ACP4: variants seen among roughly 807,000 people sequenced by gnomAD.
ACP4 encodes the protein acid phosphatase 4, also known as testicular acid phosphatase.
ACP4 carries 49 observed loss-of-function variants against 47.3 expected under a neutral mutation model. That is an observed-to-expected ratio of 1.04 (90% CI 0.82 to 1.32). The LOEUF (loss-of-function observed/expected upper bound fraction) is 1.32, where lower values mean the gene tolerates loss of function less well. Ranked by LOEUF, ACP4 falls within the 40% of genes most tolerant of loss-of-function variation. The pLI, the probability that ACP4 is intolerant of heterozygous loss-of-function variation, is 0.00. For missense variants in ACP4, 594 were observed against 579.3 expected (o/e 1.03, Z -0.26); for synonymous variants, 299 against 265.3 (o/e 1.13, Z -1.23).
At chr19:50,794,731 G>A in intron 9 of ACP4, 55 bp from the exon 10 acceptor site, 5 of 1,572,336 alleles carry the variant, frequency 3.2e-6, no homozygotes, top group Admixed American at 1.8e-5. Context: ...CTTTTCTCCA[G>A]GCTTTAAGAT....
At position 50,794,487 on chromosome 19, in the gene ACP4, G is replaced by A. The variant is rs927075560; in HGVS notation, c.892G>A (p.Ala298Thr). The change falls in exon 9 of 11, where the codon GCC becomes ACC. Residue 298 changes from alanine to threonine, a missense_variant. Coordinates refer to ENST00000270593, the MANE Select transcript of ACP4 (RefSeq NM_033068.3). ...HDSTLLALQG[A>T]LGLYDGHTPP... is the part of the protein sequence containing the mutation. ...CAGCACCCTGCTGGCCCTCCAGGGG[G>A]CCCTGGGCCTCTATGATGGACACAC... is the stretch of plus-strand genomic sequence containing the variant. 6.2e-7 allele frequency: 1 copy of A among 1,613,752 alleles called. No individual in the cohort carries two copies. The highest frequency in any genetic ancestry group is 8.5e-7 in the Non-Finnish European group (1 of 1,180,000).
rs760589720 is a variant in ACP4 at position 50,792,167 on chromosome 19, G to A, written c.545G>A (p.Trp182Ter). The A allele has an allele frequency of 5.0e-6, 8 of 1,610,234 alleles. No individual in the cohort carries two copies. The highest frequency in any genetic ancestry group is 3.3e-5 in the Admixed American group (2 of 59,916). The change falls in exon 5 of 11, where the codon TGG (tryptophan) becomes TAG (stop). Residue 182 changes from tryptophan (W) to a stop codon, truncating the protein, a stop_gained. Transcript: ENST00000270593. LOFTEE classifies it high-confidence loss of function. ...AAEYQEALEGWTGFLSRLENF... is the reference protein window; with the variant it reads ...AAEYQEALEG ...GAGTACCAGGAGGCCCTGGAGGGCT[G>A]GACGGTGAGCAGGGCGGCGGTGGGG...
intron 6 of ACP4, 107 bp downstream of exon 6, chr19:50,792,444 C>T: frequency 2.6e-6 from 3 of 1,167,634 alleles, no homozygotes; most frequent in Non-Finnish European, 3.6e-6. Context: ...TCCTCTGTGC[C>T]TCAGTTTTCC....
At chr19:50,792,757 C>T (rs546616605) in intron 6 of ACP4, 341 of 155,398 alleles carry the variant, frequency 2.2e-3, no homozygotes, top group Non-Finnish European at 4.0e-3. Flanking sequence ...TCATAGCTCA[C>T]TGCAGCCTCC....
chr19:50,794,244 G>T (rs941121108), intron 8 of ACP4, among the ~76,000 whole-genome samples: 3 of 152,160 alleles, frequency 2.0e-5, no homozygotes, highest in Non-Finnish European at 4.4e-5. Context: ...GAGGAGAAAG[G>T]CTGCTTAGTC....
chr19:50,794,663 C>T, intron 9 of ACP4, 82 bp downstream of exon 9: 1 of 1,605,116 alleles, frequency 6.2e-7, no homozygotes, highest in East Asian at 2.2e-5. Context: ...GAGGGCATGG[C>T]CAGGTGGGGA....
In ACP4 at chr19:50,792,177, CAGGGCGGCGG is replaced by C; in HGVS notation, c.549+7_549+16del. On this transcript the variant is annotated splice_region_variant and intron_variant, in intron 5 of 10. Coordinates refer to ENST00000270593, the MANE Select transcript of ACP4 (RefSeq NM_033068.3). The stretch of plus-strand genomic sequence containing the variant: ...AGGCCCTGGAGGGCTGGACGGTGAG[CAGGGCGGCGG>C]TGGGGGGCGGGATGCAGGGGATGGG... The C allele has an allele frequency of 6.2e-7, 1 of 1,610,340 alleles. No homozygotes were observed. The highest frequency in any genetic ancestry group is 1.1e-5 in the South Asian group (1 of 90,936).
At chr19:50,790,547 C>T (rs1367475414) in intron 1 of ACP4, 22 bp downstream of exon 1, 1 of 1,540,326 alleles carries the variant, frequency 6.5e-7, no homozygotes, top group South Asian at 1.2e-5. Context: ...CCACCCCGGC[C>T]TGCCCTTAGC....
At chr19:50,791,591 C>A in intron 3 of ACP4, 65 bp from the exon 4 acceptor site, 1 of 1,564,392 alleles carries the variant, frequency 6.4e-7, no homozygotes. Flanking sequence ...TTCTGATTTG[C>A]CACGACAGCT....
rs1490764431 is a variant in ACP4 at position 50,793,814 on chromosome 19, G to C, written c.776G>C (p.Gly259Ala). The change falls in exon 7 of 11, where the codon GGG becomes GCG. Residue 259 changes from glycine to alanine, a missense_variant and splice_region_variant. Coordinates refer to ENST00000270593, the MANE Select transcript of ACP4 (RefSeq NM_033068.3). ...PRAAEKAQLT[G>A]GILLNAILAN... is the part of the protein sequence containing the mutation. ...GCAGCAGAGAAGGCCCAGCTGACAG[G>C]GGGTGAGGTGTGGGTCTGGGAGGCT... is the stretch of plus-strand genomic sequence containing the variant. 9 of 1,613,880 alleles carry C rather than the reference G, an allele frequency of 5.6e-6. No homozygotes were observed. Among genetic ancestry groups the C allele is most frequent in the Non-Finnish European group, 7.6e-6 (9 of 1,180,044 alleles).
Position 50,794,831 on chromosome 19 carries a change from G to A in ACP4, c.1032G>A (p.Leu344=). The A allele has an allele frequency of 6.2e-7, 1 of 1,612,678 alleles. No individual in the cohort carries two copies. ...TCTACCGCAATGACTCCGCCCACCT[G>A]CCCCTGCCTCTCAGCCTCCCCGGGT... ...SLFYRNDSAH[L]PLPLSLPGCP... The change falls in exon 10 of 11, where the codon CTG becomes CTA. Residue 344 remains leucine, a synonymous_variant. Transcript: ENST00000270593.
intron 8 of ACP4, 50 bp from the exon 9 acceptor site, chr19:50,794,407 G>A: frequency 6.2e-7 from 1 of 1,607,636 alleles, no homozygotes; most frequent in South Asian, 1.1e-5. Context: ...GTGCTCAGGA[G>A]AAAGGCCTCC....
At chr19:50,790,743 G>GC in intron 2 of ACP4, 31 bp from the exon 3 acceptor site, 2 of 1,332,608 alleles carry the variant, frequency 1.5e-6, no homozygotes, top group Non-Finnish European at 2.1e-6. Flanking sequence ...GAGGGGTGGG[G>GC]AGTGGTAGGC....
chr19:50,794,326 G>A (rs2089536325), intron 8 of ACP4, 131 bp from the exon 9 acceptor site: 4 of 1,330,844 alleles, frequency 3.0e-6, no homozygotes, highest in African/African-American at 2.9e-5. Context: ...CTGCCTTCAG[G>A]ATGGGAGGAA....
At chr19:50,790,900 CACCT>C in intron 3 of ACP4, 40 bp downstream of exon 3, 1 of 1,514,926 alleles carries the variant, frequency 6.6e-7, no homozygotes, top group Non-Finnish European at 8.9e-7. Flanking sequence ...CCTGACCTCC[CACCT>C]GTGACCTCCA....
Position 50,791,635 on chromosome 19 carries a change from C to T in ACP4, c.304-21C>T, listed in dbSNP as rs760388445. 1.4e-5 allele frequency: 23 copies of T among 1,598,164 alleles called. No homozygotes were observed. The Admixed American group carries it at 1.7e-4, about 12-fold the overall frequency. On this transcript the variant is annotated intron_variant, in intron 3 of 10. Coordinates refer to ENST00000270593, the MANE Select transcript of ACP4 (RefSeq NM_033068.3). ...TCCCCAACCACGACCCCCCGCGTGCCCTCTCTCCACCCCGCTCCAGGTGTA... is the reference window on the plus strand; with the variant it reads ...TCCCCAACCACGACCCCCCGCGTGCTCTCTCTCCACCCCGCTCCAGGTGTA...
chr19:50,791,934 C>G lies in ACP4; in HGVS notation c.450+132C>G, dbSNP rs1301014381. On this transcript the variant is annotated intron_variant, in intron 4 of 10. Transcript: ENST00000270593. ...GCTGGTCTGTCCAGACCAGGGTGAG[C>G]CCCGGCCCACGCTGCTCTCCTGGAT... 15 of 1,448,338 alleles carry G rather than the reference C, an allele frequency of 1.0e-5. No homozygotes were observed. In the East Asian group the frequency reaches 3.8e-4, roughly 36 times the overall value. 89.7% of individuals were successfully genotyped at this position (1,448,338 alleles called of 1,614,324 possible). A position where few individuals can be genotyped will look rare whatever the true frequency, so the allele number is the denominator to read the frequency against.
Position 50,791,630 on chromosome 19 carries a change from C to T in ACP4, c.304-26C>T, listed in dbSNP as rs374751629. 5.5e-5 allele frequency: 88 copies of T among 1,596,010 alleles called. 2 individuals carry two copies. The highest frequency in any genetic ancestry group is 5.2e-4 in the South Asian group (47 of 90,716). On this transcript the variant is annotated intron_variant, in intron 3 of 10. Transcript: ENST00000270593. ...CTCTGTCCCCAACCACGACCCCCCG[C>T]GTGCCCTCTCTCCACCCCGCTCCAG... is the stretch of plus-strand genomic sequence containing the variant.
intron 3 of ACP4, among the ~76,000 whole-genome samples, 176 bp from the exon 4 acceptor site, chr19:50,791,480 C>A (rs923390579): frequency 3.3e-5 from 5 of 152,224 alleles, no homozygotes; most frequent in Non-Finnish European, 5.9e-5. Context: ...TCCAGCCCAA[C>A]TGCTCCTGAC....
Sources: allele counts gnomAD v4.1 joint callset (sites outside exome capture counted in the v4.1 genomes callset), GRCh38; gene constraint gnomAD v4.1.1; transcripts MANE v1.5; gene names NCBI Gene and HGNC (gene_info 2026-07-23, HGNC 2026-07-21).